REPS2: variants seen among roughly 807,000 people sequenced by gnomAD.
REPS2 encodes RALBP1 associated Eps domain containing 2.
REPS2 carries 23 observed loss-of-function variants against 53.6 expected under a neutral mutation model. The ratio of observed to expected loss-of-function variants is 0.43; its 90% CI spans 0.31 to 0.61. The LOEUF (loss-of-function observed/expected upper bound fraction) is 0.61, where lower values mean the gene tolerates loss of function less well. Among genes scored for constraint, REPS2 ranks in the 20% least tolerant of loss-of-function variants. REPS2 has a pLI of 0.11. For missense variants in REPS2, 446 were observed against 534.9 expected (o/e 0.83, Z 1.64); for synonymous variants, 238 against 218.6 (o/e 1.09, Z -0.78).
intron 13 of REPS2, among the ~76,000 whole-genome samples, chrX:17,096,464 C>A (rs1312703359): frequency 9.3e-5 from 10 of 107,549 alleles, no homozygotes; most frequent in South Asian, 4.1e-4. Context: ...TCGAGACCAT[C>A]CCGGCTAAAA....
rs142800540 is a variant in REPS2, at chrX:17,021,908, T to C, written c.398-215T>C. Among the ~76,000 whole-genome samples, 891 of 112,406 alleles carry C rather than the reference T, an allele frequency of 7.9e-3. 9 individuals carry two copies. The highest frequency in any genetic ancestry group is 0.027 in the African/African-American group (849 of 30,967). ...AATTTATTCTGCGATTTGGCAACAT[T>C]GAAAAATGTTAAGCCAGAATACTTT... On this transcript the variant is annotated intron_variant, in intron 2 of 17. Transcript: ENST00000357277.
intron 8 of REPS2, among the ~76,000 whole-genome samples, chrX:17,058,172 C>T (rs150203512): frequency 1.7e-3 from 194 of 111,542 alleles, no homozygotes; most frequent in African/African-American, 5.9e-3. Context: ...ACTGACATAA[C>T]GGCTGGGTGT....
chrX:17,049,018 C>A (rs987415104), intron 6 of REPS2, among the ~76,000 whole-genome samples: 1 of 111,173 alleles, frequency 9.0e-6, no homozygotes, highest in Non-Finnish European at 1.9e-5. Context: ...GCCTCAGCCT[C>A]CCGAGTAGCT....
chrX:16,954,092 T>A (rs1602490232), intron 1 of REPS2, among the ~76,000 whole-genome samples: 1 of 110,982 alleles, frequency 9.0e-6, no homozygotes, highest in Admixed American at 9.7e-5. Context: ...TAGCTGGGAA[T>A]ACAGGTGTGC....
chrX:17,143,675 T>C (rs771727175), intron 17 of REPS2, among the ~76,000 whole-genome samples: 5 of 111,583 alleles, frequency 4.5e-5, no homozygotes, highest in African/African-American at 1.3e-4. Context: ...TTTTTGTCTA[T>C]TTCTGGAAAC....
At chrX:17,104,941 A>G (rs1037237150) in intron 14 of REPS2, among the ~76,000 whole-genome samples, 4 of 111,827 alleles carry the variant, frequency 3.6e-5, no homozygotes, top group Admixed American at 9.5e-5. Flanking sequence ...AGCATCTCCA[A>G]TAAATCAGGC....
chrX:17,196,584 G>A, the REPS2 span, among the ~76,000 whole-genome samples: 6 of 111,986 alleles, frequency 5.4e-5, no homozygotes, highest in African/African-American at 1.9e-4. Context: ...CACAAAATCT[G>A]CTGGTATTTT....
At chrX:17,003,533 T>C (rs1482606543) in intron 1 of REPS2, among the ~76,000 whole-genome samples, 1 of 111,039 alleles carries the variant, frequency 9.0e-6, no homozygotes, top group African/African-American at 3.3e-5. Flanking sequence ...GGAGGGAATG[T>C]AGAAGCTGGT....
chrX:17,027,659 G>GTTTTTTTTT (rs761592588), intron 4 of REPS2, among the ~76,000 whole-genome samples: 2 of 67,270 alleles, frequency 3.0e-5, no homozygotes, highest in Non-Finnish European at 5.3e-5. Context: ...AAATCTTTAG[G>GTTTTTTTTT]TTTTTTTTTT....
the REPS2 span, among the ~76,000 whole-genome samples, chrX:17,173,489 A>G: frequency 9.0e-6 from 1 of 111,526 alleles, no homozygotes; most frequent in African/African-American, 3.3e-5. Flanking sequence ...TTATATCTCT[A>G]TCTCTATCTA....
chrX:17,086,443 G>T lies in REPS2; in HGVS notation c.1516+9036G>T, dbSNP rs2062537502. 2.7e-5 allele frequency among the ~76,000 whole-genome samples: 3 copies of T among 112,417 alleles called. No individual in the cohort carries two copies. In the Admixed American group the frequency reaches 2.8e-4, roughly 11 times the overall value. ...ATCATCATTGCCTACATCCAGTGGT[G>T]TGTCAGTGAATGTTTAACAACCGGC... On this transcript the variant is annotated intron_variant, in intron 13 of 17. Coordinates refer to ENST00000357277, the MANE Select transcript of REPS2 (RefSeq NM_004726.3).
chrX:17,047,300 C>A, intron 5 of REPS2, 47 bp from the exon 6 acceptor site: 1 of 1,187,820 alleles, frequency 8.4e-7, no homozygotes, highest in Non-Finnish European at 1.1e-6. Flanking sequence ...CTACTTCTCA[C>A]TAAAGACAGG....
chrX:17,183,648 C>T, the REPS2 span, among the ~76,000 whole-genome samples: 1 of 112,281 alleles, frequency 8.9e-6, no homozygotes, highest in Admixed American at 9.4e-5. Context: ...GCCTCCTAAC[C>T]AGGCTTCCTG....
the REPS2 span, among the ~76,000 whole-genome samples, chrX:17,185,203 A>G: frequency 9.0e-6 from 1 of 110,782 alleles, no homozygotes; most frequent in Admixed American, 9.7e-5. Context: ...CTTTCTTCAC[A>G]TGTTCTTGCA....
At chrX:17,141,187 T>A (rs1276625361) in intron 17 of REPS2, among the ~76,000 whole-genome samples, 1 of 112,010 alleles carries the variant, frequency 8.9e-6, no homozygotes, top group African/African-American at 3.2e-5. Flanking sequence ...CCCTCATGCT[T>A]TTTCCTAGTC....
At chrX:16,955,686 C>G (rs774131553) in intron 1 of REPS2, among the ~76,000 whole-genome samples, 37 of 112,122 alleles carry the variant, frequency 3.3e-4, no homozygotes, top group Middle Eastern at 4.6e-3. Context: ...AGGAGAGTGT[C>G]TCTCTCCAGT....
intron 9 of REPS2, 56 bp from the exon 10 acceptor site, chrX:17,068,346 G>A (rs917394531): frequency 3.0e-6 from 3 of 1,002,323 alleles, no homozygotes; most frequent in African/African-American, 1.9e-5. Context: ...TCATATGTGC[G>A]CATCACTTAA....
chrX:17,041,263 A>G (rs1374913599), intron 5 of REPS2, among the ~76,000 whole-genome samples: 1 of 111,251 alleles, frequency 9.0e-6, no homozygotes, highest in Non-Finnish European at 1.9e-5. Context: ...TGTAACTTCA[A>G]GGGAGGCTGG....
In REPS2 at chrX:17,121,325, C is replaced by T. The variant is rs995394026; in HGVS notation, c.1579-12499C>T. On this transcript the variant is annotated intron_variant, in intron 14 of 17. Coordinates refer to ENST00000357277, the MANE Select transcript of REPS2 (RefSeq NM_004726.3). ...GTGTGTTGGTAAACCTTCTCCCCTG[C>T]GGGGTGGGGGAAAGCCCCAATTTGC... Among the ~76,000 whole-genome samples the T allele has an allele frequency of 2.6e-4, 29 of 112,186 alleles. 1 individual carries two copies. The highest frequency in any genetic ancestry group is 1.5e-4 in the Non-Finnish European group (8 of 53,248).
Sources: allele counts gnomAD v4.1 joint callset (sites outside exome capture counted in the v4.1 genomes callset), GRCh38; gene constraint gnomAD v4.1.1; transcripts MANE v1.5; gene names NCBI Gene and HGNC (gene_info 2026-07-23, HGNC 2026-07-21).